Variants in DLC1 observed in about 807,000 individuals in gnomAD.
DLC1 encodes the protein DLC1 Rho GTPase activating protein, also known as rho GTPase-activating protein 7.
DLC1 carries 54 observed loss-of-function variants against 140.3 expected under a neutral mutation model. The ratio of observed to expected loss-of-function variants is 0.38; its 90% confidence interval spans 0.31 to 0.48. DLC1 has a LOEUF of 0.48. DLC1 is among the 20% of genes least tolerant of loss of function. The pLI is 0.96. For synonymous variants in DLC1, 986 were observed against 728.1 expected (o/e 1.35, Z -5.70); for missense variants, 2,536 against 1,907.0 (o/e 1.33, Z -6.14).
rs2128924080 is a variant in DLC1, at chr8:13,084,648, G to C, written c.*1163C>G. 6.8e-6 allele frequency: 1 copy of C among 147,006 alleles called. No individual in the cohort carries two copies. The highest frequency in any genetic ancestry group is 2.5e-5 in the African/African-American group (1 of 40,236). 9.1% of individuals were successfully genotyped at this position (147,006 alleles called of 1,614,324 possible). On this transcript the variant is annotated 3_prime_UTR_variant, in exon 18 of 18. Transcript: ENST00000276297. ...AAGAAATGTAGGAAAAATAAAATAA[G>C]ACAAAAAGTCATAAAACCAGAAAAC...
intron 2 of DLC1, among the ~76,000 whole-genome samples, chr8:13,453,554 ATATTTTTTTTT>A (rs1285954516): frequency 4.8e-4 from 16 of 33,346 alleles, no homozygotes; most frequent in African/African-American, 2.1e-3. Context: ...ATATATATAT[ATATTTTTTTTT>A]TTTTTTTTTC....
intron 1 of DLC1, among the ~76,000 whole-genome samples, chr8:13,556,811 G>A (rs774183205): frequency 6.6e-6 from 1 of 152,200 alleles, no homozygotes; most frequent in African/African-American, 2.4e-5. Flanking sequence ...CTGCTGAGTA[G>A]CCAGATCTAT....
At chr8:13,089,059 G>A (rs1196996108) in intron 15 of DLC1, among the ~76,000 whole-genome samples, 1 of 151,918 alleles carries the variant, frequency 6.6e-6, no homozygotes, top group Non-Finnish European at 1.5e-5. Context: ...AGGAGTTCAA[G>A]ACCAGCCTGG....
Position 13,496,899 on chromosome 8 carries a change from C to T in DLC1, c.1023+2150G>A, listed in dbSNP as rs574353686. On this transcript the variant is annotated intron_variant, in intron 2 of 17. Transcript: ENST00000276297. The stretch of plus-strand genomic sequence containing the variant: ...CACTGCAAGCTCCGCCTCCCGGGTT[C>T]ATGCCATTCTCCTGCCTCAGCCTCC... Among the ~76,000 whole-genome samples the T allele has an allele frequency of 7.4e-4, 107 of 145,380 alleles. 1 individual carries two copies. In the South Asian group the frequency reaches 0.023, roughly 31 times the overall value.
intron 5 of DLC1, among the ~76,000 whole-genome samples, chr8:13,196,816 C>T (rs1827087576): frequency 6.6e-6 from 1 of 152,180 alleles, no homozygotes. Flanking sequence ...ATCATGGCTT[C>T]AAATGAGATG....
At chr8:13,298,114 G>A (rs1042704742) in intron 5 of DLC1, among the ~76,000 whole-genome samples, 4 of 152,100 alleles carry the variant, frequency 2.6e-5, no homozygotes, top group South Asian at 2.1e-4. Context: ...CGTGACTCTG[G>A]TATATGCTTC....
At chr8:13,302,897 C>T (rs901337814) in intron 5 of DLC1, among the ~76,000 whole-genome samples, 9 of 151,962 alleles carry the variant, frequency 5.9e-5, no homozygotes, top group Middle Eastern at 3.2e-3. Context: ...ATATAGAACA[C>T]TCAAAATATT....
intron 4 of DLC1, among the ~76,000 whole-genome samples, chr8:13,360,563 T>C (rs184809447): frequency 1.1e-4 from 16 of 152,286 alleles, no homozygotes; most frequent in African/African-American, 2.9e-4. Flanking sequence ...GGCTTGGGCA[T>C]TGGGATTGTT....
At chr8:13,103,461 A>G (rs889511698) in intron 7 of DLC1, among the ~76,000 whole-genome samples, 1 of 152,104 alleles carries the variant, frequency 6.6e-6, no homozygotes, top group African/African-American at 2.4e-5. Context: ...TCAACTCTCA[A>G]TGAGTTGTTC....
chr8:13,405,544 G>A (rs1837487683), intron 2 of DLC1, among the ~76,000 whole-genome samples: 1 of 152,088 alleles, frequency 6.6e-6, no homozygotes, highest in Non-Finnish European at 1.5e-5. Flanking sequence ...AAATCCACTG[G>A]TAAAGTCGAG....
At chr8:13,225,207 A>T (rs900528803) in intron 5 of DLC1, among the ~76,000 whole-genome samples, 113 of 152,358 alleles carry the variant, frequency 7.4e-4, no homozygotes, top group African/African-American at 2.5e-3. Context: ...CTTCTTTTTA[A>T]AAGTGATTCT....
At chr8:13,508,584 AT>A (rs935247881) in intron 1 of DLC1, among the ~76,000 whole-genome samples, 9 of 151,670 alleles carry the variant, frequency 5.9e-5, no homozygotes, top group East Asian at 1.9e-4. Context: ...AGCCCGGCTA[AT>A]TTTTTTGTAT....
chr8:13,193,883 C>T (rs148179893), intron 5 of DLC1, among the ~76,000 whole-genome samples: 259 of 152,278 alleles, frequency 1.7e-3, no homozygotes, highest in African/African-American at 5.8e-3. Context: ...AAATGAGCAC[C>T]TATTTTGGTA....
At chr8:13,120,316 C>A (rs182595806) in intron 5 of DLC1, among the ~76,000 whole-genome samples, 11 of 116,418 alleles carry the variant, frequency 9.4e-5, no homozygotes, top group African/African-American at 2.9e-4. Context: ...GCACTCCAAC[C>A]TGGATGACAG....
chr8:13,388,623 A>G (rs1363461645), intron 4 of DLC1, among the ~76,000 whole-genome samples: 1 of 152,064 alleles, frequency 6.6e-6, no homozygotes, highest in African/African-American at 2.4e-5. Context: ...AATAACATCA[A>G]AATAACACTT....
chr8:13,356,666 G>A (rs1834955502), intron 4 of DLC1, among the ~76,000 whole-genome samples: 1 of 152,046 alleles, frequency 6.6e-6, no homozygotes, highest in Non-Finnish European at 1.5e-5. Context: ...CTTGAAGTCA[G>A]CAATTGGCCT....
At chr8:13,252,191 G>A (rs1447954297) in intron 5 of DLC1, among the ~76,000 whole-genome samples, 2 of 152,128 alleles carry the variant, frequency 1.3e-5, no homozygotes, top group Non-Finnish European at 2.9e-5. Flanking sequence ...AGTCCCAAGT[G>A]ACATGCTTAT....
intron 1 of DLC1, among the ~76,000 whole-genome samples, chr8:13,554,374 A>G (rs1803970338): frequency 6.6e-6 from 1 of 152,090 alleles, no homozygotes; most frequent in Non-Finnish European, 1.5e-5. Flanking sequence ...CTATATGCTT[A>G]TCACTTTCAA....
intron 1 of DLC1, among the ~76,000 whole-genome samples, chr8:13,593,761 A>C (rs1805597292): frequency 6.6e-6 from 1 of 152,168 alleles, no homozygotes; most frequent in African/African-American, 2.4e-5. Context: ...AGTTATACTC[A>C]GAAGTGAAAC....
Sources: allele counts gnomAD v4.1 joint callset (sites outside exome capture counted in the v4.1 genomes callset), GRCh38; gene constraint gnomAD v4.1.1; transcripts MANE v1.5; gene names NCBI Gene and HGNC (gene_info 2026-07-23, HGNC 2026-07-21).